Variants in TBXAS1 observed in about 807,000 individuals in gnomAD.
TBXAS1 encodes thromboxane A synthase 1.
TBXAS1 carries 48 observed loss-of-function variants against 60.7 expected under a neutral mutation model. That is an observed-to-expected ratio of 0.79 (90% confidence interval 0.63 to 1.01). The LOEUF (loss-of-function observed/expected upper bound fraction) is 1.01. Among genes scored for constraint, TBXAS1 ranks in the 50% least tolerant of loss-of-function variants. TBXAS1 has a pLI of 0.00. For missense variants in TBXAS1, 685 were observed against 686.3 expected, an observed-to-expected ratio of 1.00 and a Z score of 0.02; for synonymous variants, 287 against 269.7, an observed-to-expected ratio of 1.06 and a Z score of -0.63.
chr7:139,911,088 C>A (rs1805480751), intron 3 of TBXAS1, 137 bp from the exon 4 acceptor site: 2 of 775,204 alleles, frequency 2.6e-6, no homozygotes, highest in Non-Finnish European at 4.6e-6. Flanking sequence ...ATGATTGGAA[C>A]ATATGTTTCC....
chr7:139,981,178 G>T (rs1012603640), intron 9 of TBXAS1, among the ~76,000 whole-genome samples: 14 of 152,108 alleles, frequency 9.2e-5, no homozygotes, highest in Admixed American at 9.2e-4. Context: ...CGCGATCTCG[G>T]CTCACTGCAA....
chr7:139,948,938 T>G (rs1462423525), intron 5 of TBXAS1, among the ~76,000 whole-genome samples: 2 of 152,372 alleles, frequency 1.3e-5, no homozygotes, highest in East Asian at 3.9e-4. Flanking sequence ...TCTTATAATA[T>G]TTTCTCTGCA....
At chr7:139,988,345 G>A (rs73734167) in intron 9 of TBXAS1, among the ~76,000 whole-genome samples, 3,359 of 152,312 alleles carry the variant, frequency 0.022, 122 homozygotes, top group African/African-American at 0.078. Context: ...AGGCCCAGAT[G>A]CAGTGGCCCT....
At chr7:140,002,916 G>A (rs1813773625) in intron 9 of TBXAS1, among the ~76,000 whole-genome samples, 2 of 152,010 alleles carry the variant, frequency 1.3e-5, no homozygotes, top group South Asian at 4.1e-4. Flanking sequence ...CTGAGGTCAG[G>A]AGTTCGAGAC....
chr7:139,972,548 C>T (rs1811281896), intron 9 of TBXAS1, among the ~76,000 whole-genome samples: 1 of 152,070 alleles, frequency 6.6e-6, no homozygotes, highest in East Asian at 1.9e-4. Flanking sequence ...AAAGAATAAA[C>T]ATACTTTTTT....
intron 4 of TBXAS1, among the ~76,000 whole-genome samples, chr7:139,809,233 T>TAGATGATAGATA (rs1554466810): frequency 0.035 from 4,617 of 130,458 alleles, 107 homozygotes; most frequent in Admixed American, 0.048. Context: ...GATAGATAGA[T>TAGATGATAGATA]GATAGATAGA....
At chr7:139,874,003 C>T (rs1327534144) in intron 2 of TBXAS1, among the ~76,000 whole-genome samples, 1 of 152,190 alleles carries the variant, frequency 6.6e-6, no homozygotes, top group African/African-American at 2.4e-5. Context: ...GCTGCTCTTT[C>T]TGTCCTTTTC....
At chr7:140,010,594 G>T (rs1369108638) in intron 10 of TBXAS1, among the ~76,000 whole-genome samples, 2 of 152,198 alleles carry the variant, frequency 1.3e-5, no homozygotes, top group Non-Finnish European at 2.9e-5. Context: ...TGACCCCTTT[G>T]GAACTGCGGG....
chr7:139,865,405 C>T (rs1195879356), intron 1 of TBXAS1, among the ~76,000 whole-genome samples: 2 of 152,162 alleles, frequency 1.3e-5, no homozygotes, highest in East Asian at 3.9e-4. Context: ...TCAATGAAAA[C>T]TATTCAGATT....
intron 1 of TBXAS1, among the ~76,000 whole-genome samples, chr7:139,842,693 A>G (rs1434095353): frequency 6.6e-6 from 1 of 152,220 alleles, no homozygotes; most frequent in Non-Finnish European, 1.5e-5. Context: ...GTTAGCTGAT[A>G]GGGGAGTTCC....
In TBXAS1 at chr7:139,865,819, G is replaced by A. The variant is rs1419538195; in HGVS notation, c.90-6416G>A. Among the ~76,000 whole-genome samples, 10 of 103,684 alleles carry A rather than the reference G, an allele frequency of 9.6e-5. 1 individual carries two copies. Among genetic ancestry groups the A allele is most frequent in the African/African-American group, 3.6e-4 (9 of 25,144 alleles). The allele number at this position is 103,684 out of a possible 152,430, so 68.0% of individuals were successfully genotyped here. A position where few individuals can be genotyped will look rare whatever the true frequency, so the allele number is the denominator to read the frequency against. The stretch of plus-strand genomic sequence containing the variant: ...AGGAAGGAAAGAAGGAAGGAAGGGA[G>A]GGAGGGAGGGAGGGGGGAAAGGAAG... On this transcript the variant is annotated intron_variant, in intron 1 of 12. Transcript: ENST00000448866.
At chr7:139,862,358 G>A (rs1031429709) in intron 1 of TBXAS1, among the ~76,000 whole-genome samples, 1 of 152,128 alleles carries the variant, frequency 6.6e-6, no homozygotes, top group Non-Finnish European at 1.5e-5. Context: ...CAGGAAGGAG[G>A]AATGTTCATC....
At chr7:139,886,870 A>G (rs974710994) in intron 3 of TBXAS1, among the ~76,000 whole-genome samples, 2 of 152,138 alleles carry the variant, frequency 1.3e-5, no homozygotes, top group Non-Finnish European at 2.9e-5. Flanking sequence ...TGCTTCCCCC[A>G]AAGGCTTAGC....
intron 1 of TBXAS1, among the ~76,000 whole-genome samples, chr7:139,862,283 A>T (rs1316518763): frequency 2.0e-5 from 3 of 152,226 alleles, no homozygotes; most frequent in Non-Finnish European, 4.4e-5. Flanking sequence ...GAGCCAGCAA[A>T]GACAGTGAGG....
rs77874468 is a variant in TBXAS1, at chr7:140,019,558, C to T, written c.1528-467C>T. 5.6e-3 allele frequency among the ~76,000 whole-genome samples: 848 copies of T among 152,286 alleles called. 4 individuals are homozygous for T. The highest frequency in any genetic ancestry group is 0.019 in the African/African-American group (808 of 41,558). On this transcript the variant is annotated intron_variant, in intron 12 of 12. Transcript: ENST00000448866. ...TGGCTCCCACAGGAGACACGTACAG[C>T]CCCAAGCACTAAGACCCTGGTGACT...
chr7:139,982,080 G>T (rs1399997919), intron 9 of TBXAS1, among the ~76,000 whole-genome samples: 3 of 152,092 alleles, frequency 2.0e-5, no homozygotes, highest in Non-Finnish European at 2.9e-5. Flanking sequence ...GTTACTTAGG[G>T]TTATTAGATA....
At chr7:140,003,675 G>A (rs987396190) in intron 9 of TBXAS1, among the ~76,000 whole-genome samples, 2 of 152,030 alleles carry the variant, frequency 1.3e-5, no homozygotes, top group Middle Eastern at 3.4e-3. Context: ...AGTTTTCTTC[G>A]GGGAACCAAC....
chr7:139,969,376 C>T (rs1275511679), intron 9 of TBXAS1, among the ~76,000 whole-genome samples: 1 of 148,024 alleles, frequency 6.8e-6, no homozygotes, highest in African/African-American at 2.5e-5. Context: ...TTAGCTCATG[C>T]TGCTGTGTGA....
In TBXAS1 at chr7:139,979,727, C is replaced by CAATAATAAT. The variant is rs58553105; in HGVS notation, c.1134+17527_1134+17535dup. On this transcript the variant is annotated intron_variant, in intron 9 of 12. Transcript: ENST00000448866. ...TGGGCAACAGAGCAAGATTCCATCT[C>CAATAATAAT]AATAATAATAATAATAATAATAATA... Among the ~76,000 whole-genome samples the CAATAATAAT allele has an allele frequency of 4.3e-3, 597 of 139,736 alleles. 2 individuals carry two copies. Among genetic ancestry groups the CAATAATAAT allele is most frequent in the African/African-American group, 6.0e-3 (227 of 37,712 alleles). The allele number at this position is 139,736 out of a possible 152,430, so 91.7% of individuals were successfully genotyped here.
Sources: gnomAD v4.1 joint callset for allele counts (sites outside exome capture counted in the v4.1 genomes callset) on GRCh38, gnomAD v4.1.1 for gene constraint, MANE v1.5 for transcripts, NCBI Gene and HGNC (gene_info 2026-07-23, HGNC 2026-07-21) for gene names.